Variants in CPVL observed in about 807,000 individuals in gnomAD.
The protein encoded by CPVL is carboxypeptidase vitellogenic like, also known as probable serine carboxypeptidase CPVL.
Under a neutral mutation model 63.7 loss-of-function variants are expected in CPVL, and 51 were observed. The ratio of observed to expected loss-of-function variants is 0.80; its 90% confidence interval spans 0.64 to 1.01. The LOEUF (loss-of-function observed/expected upper bound fraction) is 1.01. CPVL is among the 50% of genes least tolerant of loss of function. The pLI, the probability that CPVL is intolerant of heterozygous loss-of-function variation, is 0.00. For synonymous variants in CPVL, 195 were observed against 206.0 expected (o/e 0.95, Z 0.46); for missense variants, 530 against 573.1 (o/e 0.92, Z 0.77).
intron 1 of CPVL, among the ~76,000 whole-genome samples, chr7:29,138,909 G>C (rs546892967): frequency 1.3e-5 from 2 of 152,154 alleles, no homozygotes; most frequent in Non-Finnish European, 2.9e-5. Flanking sequence ...ATATTTCAGA[G>C]GCCTCTTCCC....
rs75992083 is a variant in CPVL, at chr7:29,139,731, T to A, written c.-11+6698A>T. Among the ~76,000 whole-genome samples the A allele has an allele frequency of 9.2e-5, 14 of 152,278 alleles. No homozygotes were observed. In the East Asian group the frequency reaches 2.7e-3, roughly 29 times the overall value. ...AAGAGTCATGGTTTTACATGGAGTG[T>A]GCAGTCTGCCAGCTCAGAAATCTCC... On this transcript the variant is annotated intron_variant, in intron 1 of 12. Coordinates refer to ENST00000265394, the MANE Select transcript of CPVL (RefSeq NM_031311.5).
At chr7:29,140,980 C>A (rs1791811607) in intron 1 of CPVL, among the ~76,000 whole-genome samples, 1 of 152,104 alleles carries the variant, frequency 6.6e-6, no homozygotes, top group South Asian at 2.1e-4. Flanking sequence ...ACCTTTGTAC[C>A]AGCTTTAGGG....
upstream of CPVL, chr7:29,147,217 C>T: frequency 2.0e-6 from 1 of 494,222 alleles, no homozygotes; most frequent in East Asian, 3.8e-5. Context: ...AAGGAGGTTG[C>T]AATGGCAAGT....
At chr7:29,097,469 T>G (rs1319483661) in intron 3 of CPVL, among the ~76,000 whole-genome samples, 3 of 151,978 alleles carry the variant, frequency 2.0e-5, no homozygotes, top group Non-Finnish European at 4.4e-5. Context: ...CCAAGGCGGG[T>G]GGATCACCTT....
At chr7:29,059,143 T>C (rs983416324) in intron 11 of CPVL, among the ~76,000 whole-genome samples, 2 of 152,166 alleles carry the variant, frequency 1.3e-5, no homozygotes, top group African/African-American at 4.8e-5. Context: ...TTTTATTTAT[T>C]ACATCCTCAT....
At chr7:29,100,950 T>C (rs543062601) in intron 3 of CPVL, among the ~76,000 whole-genome samples, 26 of 152,300 alleles carry the variant, frequency 1.7e-4, no homozygotes, top group Middle Eastern at 3.4e-3. Context: ...CAAGAGTCAG[T>C]TGTGTCACAG....
At chr7:29,157,261 C>A (rs891812664) in intron 5 of CPVL, among the ~76,000 whole-genome samples, 2 of 152,144 alleles carry the variant, frequency 1.3e-5, no homozygotes, top group South Asian at 2.1e-4. Flanking sequence ...ACCCCTCCCC[C>A]ACCCTGCTAC....
intron 12 of CPVL, among the ~76,000 whole-genome samples, chr7:29,004,645 CATA>C (rs946058250): frequency 1.3e-5 from 2 of 152,178 alleles, no homozygotes; most frequent in African/African-American, 2.4e-5. Context: ...GTGACTTTGG[CATA>C]ATGACTTAAC....
chr7:29,041,215 T>G (rs1789055081), intron 11 of CPVL, among the ~76,000 whole-genome samples: 1 of 150,428 alleles, frequency 6.6e-6, no homozygotes, highest in African/African-American at 2.5e-5. Flanking sequence ...CACTGCGACT[T>G]CTGCCTCCCG....
intron 11 of CPVL, among the ~76,000 whole-genome samples, chr7:29,053,085 G>A (rs574979885): frequency 1.3e-5 from 2 of 152,292 alleles, no homozygotes; most frequent in East Asian, 3.9e-4. Context: ...TTAGGGAAAT[G>A]CCAATCAAAG....
intron 2 of CPVL, among the ~76,000 whole-genome samples, chr7:29,113,283 G>GA (rs1349077852): frequency 6.6e-6 from 1 of 152,050 alleles, no homozygotes; most frequent in African/African-American, 2.4e-5. Flanking sequence ...TCACGCTCTT[G>GA]TTTTCATGAA....
intron 3 of CPVL, among the ~76,000 whole-genome samples, chr7:29,184,985 A>T (rs150075004): frequency 1.3e-5 from 2 of 152,288 alleles, no homozygotes; most frequent in East Asian, 3.9e-4. Context: ...TTGAGAGTAG[A>T]TGTCTCTAAG....
At chr7:29,099,120 G>C (rs1449261918) in intron 3 of CPVL, among the ~76,000 whole-genome samples, 1 of 152,058 alleles carries the variant, frequency 6.6e-6, no homozygotes, top group African/African-American at 2.4e-5. Context: ...ATCAATAATA[G>C]TAGCTACACT....
intron 11 of CPVL, among the ~76,000 whole-genome samples, chr7:29,037,371 C>T (rs887781500): frequency 6.6e-6 from 1 of 151,072 alleles, no homozygotes; most frequent in Non-Finnish European, 1.5e-5. Flanking sequence ...GGTGAAACCC[C>T]GTCTCTACTA....
intron 11 of CPVL, among the ~76,000 whole-genome samples, chr7:29,063,541 A>G (rs1039316008): frequency 6.6e-6 from 1 of 152,124 alleles, no homozygotes; most frequent in Admixed American, 6.5e-5. Flanking sequence ...TTTAAGGAAT[A>G]ATCAGGGGAA....
At chr7:29,089,048 C>A (rs1425725126) in intron 6 of CPVL, among the ~76,000 whole-genome samples, 1 of 152,172 alleles carries the variant, frequency 6.6e-6, no homozygotes, top group Non-Finnish European at 1.5e-5. Context: ...ACAAGAGCTA[C>A]ATGGCACAAG....
intron 5 of CPVL, among the ~76,000 whole-genome samples, chr7:29,171,184 A>G (rs1334509265): frequency 2.0e-5 from 3 of 152,200 alleles, no homozygotes; most frequent in Non-Finnish European, 4.4e-5. Flanking sequence ...CATTGCTTAC[A>G]TACGCACTGC....
At chr7:29,167,406 T>G (rs1796056662) in intron 5 of CPVL, among the ~76,000 whole-genome samples, 1 of 152,198 alleles carries the variant, frequency 6.6e-6, no homozygotes, top group Non-Finnish European at 1.5e-5. Context: ...TCTGCGGACA[T>G]GAGAGCTATT....
At chr7:29,164,246 A>T (rs1242717085) in intron 5 of CPVL, among the ~76,000 whole-genome samples, 1 of 152,166 alleles carries the variant, frequency 6.6e-6, no homozygotes, top group East Asian at 1.9e-4. Context: ...ATGACTAATG[A>T]TGTCCAGCAT....
Sources: allele counts gnomAD v4.1 joint callset (sites outside exome capture counted in the v4.1 genomes callset), GRCh38; gene constraint gnomAD v4.1.1; transcripts MANE v1.5; gene names NCBI Gene and HGNC (gene_info 2026-07-23, HGNC 2026-07-21).